APBA2: variants seen among roughly 807,000 people sequenced by gnomAD.
APBA2 encodes the protein amyloid-beta A4 precursor protein-binding family A member 2.
APBA2 carries 30 observed loss-of-function variants against 75.0 expected under a neutral mutation model. That is an observed-to-expected ratio of 0.40 (90% CI 0.30 to 0.54). The LOEUF (loss-of-function observed/expected upper bound fraction) is 0.54. APBA2 is among the 20% of genes least tolerant of loss of function. The pLI, the probability that APBA2 is intolerant of heterozygous loss-of-function variation, is 0.49. For missense variants in APBA2, 801 were observed against 1,016.1 expected, an observed-to-expected ratio of 0.79 and a Z score of 2.88; for synonymous variants, 444 against 409.6, an observed-to-expected ratio of 1.08 and a Z score of -1.01.
chr15:29,038,918 C>T (rs895586277), intron 3 of APBA2, among the ~76,000 whole-genome samples: 17 of 151,742 alleles, frequency 1.1e-4, no homozygotes, highest in African/African-American at 2.9e-4. Context: ...ATGATCTGCC[C>T]GCCTTGGCCT....
chr15:29,070,170 G>A (rs1272852822), intron 4 of APBA2, among the ~76,000 whole-genome samples: 1 of 152,100 alleles, frequency 6.6e-6, no homozygotes, highest in East Asian at 1.9e-4. Context: ...GGTGAGGGTT[G>A]TACAACATTA....
At chr15:28,968,177 A>C (rs553648233) in intron 2 of APBA2, among the ~76,000 whole-genome samples, 1 of 152,346 alleles carries the variant, frequency 6.6e-6, no homozygotes, top group African/African-American at 2.4e-5. Flanking sequence ...TTGTTTATCC[A>C]TTCATCCATG....
chr15:29,057,640 C>A (rs2041959541), intron 4 of APBA2, among the ~76,000 whole-genome samples: 1 of 152,206 alleles, frequency 6.6e-6, no homozygotes, highest in Non-Finnish European at 1.5e-5. Flanking sequence ...AAATGTTTCT[C>A]CATGTCACCA....
intron 2 of APBA2, among the ~76,000 whole-genome samples, chr15:28,945,254 G>A (rs1290604836): frequency 1.3e-5 from 2 of 152,044 alleles, no homozygotes; most frequent in African/African-American, 4.8e-5. Flanking sequence ...GTGAAAGTCA[G>A]AAGCAATGTA....
intron 2 of APBA2, among the ~76,000 whole-genome samples, chr15:28,988,452 C>G (rs1277934502): frequency 6.6e-6 from 1 of 151,928 alleles, no homozygotes; most frequent in East Asian, 1.9e-4. Context: ...TTGGTAGAGA[C>G]GAGGTTTCGC....
intron 1 of APBA2, among the ~76,000 whole-genome samples, chr15:28,910,387 G>C (rs2033373876): frequency 6.6e-6 from 1 of 152,158 alleles, no homozygotes; most frequent in Non-Finnish European, 1.5e-5. Flanking sequence ...CTCAGTGATT[G>C]GTGGGATAAT....
intron 2 of APBA2, among the ~76,000 whole-genome samples, chr15:28,929,558 T>C (rs375415082): frequency 5.3e-5 from 8 of 152,282 alleles, no homozygotes; most frequent in African/African-American, 1.7e-4. Context: ...CAGGCTTCCC[T>C]GGGGCAACAG....
At chr15:28,901,758 T>C (rs1202124080) in intron 1 of APBA2, among the ~76,000 whole-genome samples, 1 of 152,158 alleles carries the variant, frequency 6.6e-6, no homozygotes, top group Non-Finnish European at 1.5e-5. Flanking sequence ...CATGTTGGCC[T>C]GTGGACTGCT....
intron 2 of APBA2, among the ~76,000 whole-genome samples, chr15:28,992,794 A>C (rs1264991126): frequency 2.0e-5 from 3 of 152,212 alleles, no homozygotes; most frequent in African/African-American, 7.2e-5. Context: ...CTGCAGAATA[A>C]ACCAGCTCCC....
intron 3 of APBA2, among the ~76,000 whole-genome samples, chr15:29,050,024 A>C (rs908088052): frequency 5.3e-5 from 8 of 152,226 alleles, no homozygotes; most frequent in African/African-American, 1.9e-4. Flanking sequence ...AATGAATCTC[A>C]CATAAAATTA....
At chr15:29,101,523 T>C (rs2152962597) in intron 9 of APBA2, 76 bp from the exon 10 acceptor site, 4 of 1,513,476 alleles carry the variant, frequency 2.6e-6, no homozygotes, top group Non-Finnish European at 3.6e-6. Flanking sequence ...TGAGCCACCA[T>C]GCCCAGCCCT....
intron 6 of APBA2, among the ~76,000 whole-genome samples, chr15:29,086,825 T>C (rs1247517589): frequency 1.3e-5 from 2 of 152,196 alleles, no homozygotes; most frequent in East Asian, 3.8e-4. Context: ...CATTTAATTT[T>C]GTTTTATAAT....
intron 12 of APBA2, 49 bp from the exon 13 acceptor site, chr15:29,108,221 G>T (rs1282454668): frequency 3.1e-6 from 5 of 1,611,898 alleles, no homozygotes; most frequent in African/African-American, 1.3e-5. Context: ...CCTGGGTCAG[G>T]CTTGATGTCT....
intron 2 of APBA2, among the ~76,000 whole-genome samples, chr15:28,926,191 T>G (rs2034250038): frequency 6.6e-6 from 1 of 152,196 alleles, no homozygotes; most frequent in East Asian, 1.9e-4. Flanking sequence ...ATTGAGGTAC[T>G]TAGATTAATA....
At chr15:29,094,388 T>C (rs931452776) in intron 8 of APBA2, 75 bp downstream of exon 8, 16 of 1,456,000 alleles carry the variant, frequency 1.1e-5, no homozygotes, top group Admixed American at 5.0e-5. Context: ...CAGTGGGGGC[T>C]GGGGGGTTCC....
intron 2 of APBA2, among the ~76,000 whole-genome samples, chr15:28,923,321 C>T (rs910594796): frequency 3.9e-5 from 6 of 152,088 alleles, no homozygotes; most frequent in Admixed American, 6.5e-5. Flanking sequence ...AATATGGGCA[C>T]GCTGCTATTT....
At chr15:28,941,170 G>T (rs1261373321) in intron 2 of APBA2, among the ~76,000 whole-genome samples, 1 of 152,146 alleles carries the variant, frequency 6.6e-6, no homozygotes, top group African/African-American at 2.4e-5. Flanking sequence ...CGCACTACTG[G>T]GTGAGCAGGT....
At chr15:29,000,056 C>T (rs1292858569) in intron 3 of APBA2, among the ~76,000 whole-genome samples, 1 of 152,172 alleles carries the variant, frequency 6.6e-6, no homozygotes, top group African/African-American at 2.4e-5. Flanking sequence ...GTGGACGATG[C>T]CCACCTACAC....
chr15:28,954,166 C>G (rs573053468), intron 2 of APBA2, among the ~76,000 whole-genome samples: 1 of 152,156 alleles, frequency 6.6e-6, no homozygotes, highest in Admixed American at 6.5e-5. Flanking sequence ...ACACCGGCAC[C>G]GCTGCCGTGC....
Sources: allele counts gnomAD v4.1 joint callset (sites outside exome capture counted in the v4.1 genomes callset), GRCh38; gene constraint gnomAD v4.1.1; transcripts MANE v1.5; gene names NCBI Gene and HGNC (gene_info 2026-07-23, HGNC 2026-07-21).